MRPL19: variants seen among roughly 807,000 people sequenced by gnomAD.
MRPL19 encodes mitochondrial ribosomal protein L19, also known as large ribosomal subunit protein bL19m.
A neutral mutation model predicts 34.0 loss-of-function variants in MRPL19; 31 were observed. That is an observed-to-expected ratio of 0.91 (90% confidence interval 0.68 to 1.23). The LOEUF is 1.23. MRPL19 is among the 50% of genes most tolerant of loss of function. The probability of loss-of-function intolerance (pLI) is 0.00; values close to 1 mark genes in which losing one functional copy is unlikely to be tolerated. For missense variants in MRPL19, 384 were observed against 367.6 expected (o/e 1.04, Z -0.37); for synonymous variants, 152 against 127.7 (o/e 1.19, Z -1.28).
intron 5 of MRPL19, 27 bp downstream of exon 5, chr2:75,654,944 A>T: frequency 1.0e-5 from 16 of 1,569,372 alleles, no homozygotes; most frequent in Non-Finnish European, 1.4e-5. Flanking sequence ...TGAAACTAGA[A>T]GTTCAAGTAT....
rs896195123 is a variant in MRPL19 at position 75,657,455 on chromosome 2, T to G, written c.*2170T>G. The G allele has an allele frequency of 2.0e-5, 3 of 152,184 alleles. 1 individual carries two copies. The highest frequency in any genetic ancestry group is 4.4e-5 in the Non-Finnish European group (3 of 68,020). 9.4% of individuals were successfully genotyped at this position (152,184 alleles called of 1,614,324 possible). A position where few individuals can be genotyped will look rare whatever the true frequency, so the allele number is the denominator to read the frequency against. Reference sequence around the variant, plus strand: ...TTGATCTTTTTCACTAATGATTATATAGTCATCTAACTACTGTCAACAAGT... The same window carrying G: ...TTGATCTTTTTCACTAATGATTATAGAGTCATCTAACTACTGTCAACAAGT... On this transcript the variant is annotated 3_prime_UTR_variant, in exon 6 of 6. Coordinates refer to ENST00000393909, the MANE Select transcript of MRPL19 (RefSeq NM_014763.4).
rs1025116802 is a variant in MRPL19, at chr2:75,657,946, AATTAC to A, written c.*2664_*2668del. 3.9e-5 allele frequency: 6 copies of A among 152,140 alleles called. No individual in the cohort carries two copies. The highest frequency in any genetic ancestry group is 1.2e-4 in the African/African-American group (5 of 41,444). 9.4% of individuals were successfully genotyped at this position (152,140 alleles called of 1,614,324 possible). On this transcript the variant is annotated 3_prime_UTR_variant, in exon 6 of 6. Transcript: ENST00000393909. ...TTTAAATTTACAAGTCAGAGGCATT[AATTAC>A]ATCACAATGTTGTGAAATTATTACT...
In MRPL19 at chr2:75,655,615, A is replaced by G. The variant is rs115397421; in HGVS notation, c.*330A>G. Reference sequence around the variant, plus strand: ...GAATTTTTTTTTTAATTGTGAAACAATTCATAAGCACAATATGATTTACAG... The same window carrying G: ...GAATTTTTTTTTTAATTGTGAAACAGTTCATAAGCACAATATGATTTACAG... On this transcript the variant is annotated 3_prime_UTR_variant, in exon 6 of 6. Coordinates refer to ENST00000393909, the MANE Select transcript of MRPL19 (RefSeq NM_014763.4). The G allele has an allele frequency of 0.011, 2,105 of 188,806 alleles. 48 individuals carry two copies. The highest frequency in any genetic ancestry group is 0.046 in the African/African-American group (1,961 of 42,628). The allele number at this position is 188,806 out of a possible 1,614,324, so 11.7% of individuals were successfully genotyped here.
In MRPL19 at chr2:75,658,573, C is replaced by T. The variant is rs111334185; in HGVS notation, c.*3288C>T. ...TTTATTTCTCTTGTGATTTCTTCTT[C>T]GATCCCCTGGTTGAGTGTGTTAATT... On this transcript the variant is annotated 3_prime_UTR_variant, in exon 6 of 6. Coordinates refer to ENST00000393909, the MANE Select transcript of MRPL19 (RefSeq NM_014763.4). Among the ~76,000 whole-genome samples the T allele has an allele frequency of 3.4e-3, 523 of 152,194 alleles. 5 individuals are homozygous for T. The highest frequency in any genetic ancestry group is 0.012 in the African/African-American group (490 of 41,552).
intron 2 of MRPL19, 23 bp downstream of exon 2, chr2:75,647,242 G>C (rs753452749): frequency 5.1e-6 from 8 of 1,560,654 alleles, no homozygotes; most frequent in Non-Finnish European, 6.9e-6. Flanking sequence ...CCTGGCGCTA[G>C]GCCGGCAACT....
rs773215183 is a variant in MRPL19, at chr2:75,655,074, A to G, written c.668A>G (p.Lys223Arg). ...QKVPVNELKV[K>R]MKPKPWSKRW... ...TTTAATCTTCCTTAGCTGAAAGTAAAAATGAAGCCTAAGCCCTGGTCTAAA... is the reference window on the plus strand; with the variant it reads ...TTTAATCTTCCTTAGCTGAAAGTAAGAATGAAGCCTAAGCCCTGGTCTAAA... Residue 223 changes from lysine (K) to arginine (R), a missense_variant, in exon 6 of 6, where the codon AAA becomes AGA. Lys to Arg is a conservative substitution (Grantham distance 26, BLOSUM62 2). Transcript: ENST00000393909. 1 of 1,569,772 alleles carries G rather than the reference A, an allele frequency of 6.4e-7. No individual in the cohort carries two copies. The highest frequency in any genetic ancestry group is 8.6e-7 in the Non-Finnish European group (1 of 1,165,752).
intron 2 of MRPL19, among the ~76,000 whole-genome samples, chr2:75,649,346 A>C (rs1342757025): frequency 1.3e-5 from 2 of 152,204 alleles, no homozygotes; most frequent in African/African-American, 4.8e-5. Context: ...CCCACAGCCC[A>C]GGACAGCTTT....
At position 75,647,177 on chromosome 2, in the gene MRPL19, C is replaced by G. The variant is rs1277724375; in HGVS notation, c.179C>G (p.Pro60Arg). The G allele has an allele frequency of 6.3e-7, 1 of 1,580,630 alleles. No homozygotes were observed. The highest frequency in any genetic ancestry group is 8.6e-7 in the Non-Finnish European group (1 of 1,162,886). The change falls in exon 2 of 6, where the codon CCG (proline) becomes CGG (arginine). Residue 60 changes from proline (P) to arginine (R), a missense_variant. By Grantham distance (103) the Pro-to-Arg change is moderately radical. Transcript: ENST00000393909. ...EPGAFQPPPK[P>R]VIVDKHRPVE... Reference sequence around the variant, plus strand: ...GGTGCGTTCCAACCGCCGCCGAAACCGGTCATCGTGGACAAGCACCGCCCC... The same window carrying G: ...GGTGCGTTCCAACCGCCGCCGAAACGGGTCATCGTGGACAAGCACCGCCCC...
At chr2:75,652,496 A>G (rs1558720071) in intron 3 of MRPL19, 27 bp from the exon 4 acceptor site, 2 of 1,602,300 alleles carry the variant, frequency 1.2e-6, no homozygotes, top group Middle Eastern at 1.7e-4. Flanking sequence ...GCTGAAAAAA[A>G]AGTTCACTTC....
At chr2:75,647,026 T>A (rs1160787495) in intron 1 of MRPL19, 76 bp from the exon 2 acceptor site, 3 of 1,484,702 alleles carry the variant, frequency 2.0e-6, no homozygotes, top group Non-Finnish European at 1.8e-6. Context: ...GGACGCCGGG[T>A]TGGGGGAGAT....
At position 75,655,208 on chromosome 2, in the gene MRPL19, G is replaced by A; in HGVS notation, c.802G>A (p.Asp268Asn). Residue 268 changes from aspartate (D) to asparagine (N), a missense_variant, in exon 6 of 6, where the codon GAT becomes AAT. Coordinates refer to ENST00000393909, the MANE Select transcript of MRPL19 (RefSeq NM_014763.4). ...GTGGAATCAGCCATGGCTTGAATTTGATATGATGAGGGAATATGATACTTC... is the reference window on the plus strand; with the variant it reads ...GTGGAATCAGCCATGGCTTGAATTTAATATGATGAGGGAATATGATACTTC... ...QKWNQPWLEF[D>N]MMREYDTSKI... 6.2e-7 allele frequency: 1 copy of A among 1,613,482 alleles called. No homozygotes were observed. Among genetic ancestry groups the A allele is most frequent in the Non-Finnish European group, 8.5e-7 (1 of 1,179,770 alleles).
rs1352215639 is a variant in MRPL19, at chr2:75,658,342, ATT to A, written c.*3059_*3060del. Among the ~76,000 whole-genome samples the A allele has an allele frequency of 6.6e-6, 1 of 152,120 alleles. No individual in the cohort carries two copies. The highest frequency in any genetic ancestry group is 1.5e-5 in the Non-Finnish European group (1 of 68,000). On this transcript the variant is annotated 3_prime_UTR_variant, in exon 6 of 6. Transcript: ENST00000393909. The stretch of plus-strand genomic sequence containing the variant: ...ATGTTGTGGCATGTGTCAGAATTTC[ATT>A]TGTTTTTATGACTAAATAATATTCC...
chr2:75,652,665 T>A lies in MRPL19; in HGVS notation c.475+8T>A. 6.2e-7 allele frequency: 1 copy of A among 1,609,366 alleles called. No homozygotes were observed. Among genetic ancestry groups the A allele is most frequent in the Non-Finnish European group, 8.5e-7 (1 of 1,178,166 alleles). The stretch of plus-strand genomic sequence containing the variant: ...ATGTTATCGAAGGACAAGGTAAGTT[T>A]TATTTCATCATTTTCATTGTCTAGA... On this transcript the variant is annotated splice_region_variant and intron_variant, in intron 4 of 5. Transcript: ENST00000393909.
In MRPL19 at chr2:75,646,790, T is replaced by C. The variant is rs1339537250; in HGVS notation, c.-18T>C. 2 of 1,488,074 alleles carry C rather than the reference T, an allele frequency of 1.3e-6. No homozygotes were observed. The allele number at this position is 1,488,074 out of a possible 1,614,324, so 92.2% of individuals were successfully genotyped here. On this transcript the variant is annotated 5_prime_UTR_variant, in exon 1 of 6. Coordinates refer to ENST00000393909, the MANE Select transcript of MRPL19 (RefSeq NM_014763.4). ...CACTGATTACTGGGAGCTGTAGTCT[T>C]GACGTGAGCTAGCTGGCATGGCGGC...
rs148983934 is a variant in MRPL19, at chr2:75,660,342, A to G, written c.*5057A>G. 38 of 152,168 alleles carry G rather than the reference A, an allele frequency of 2.5e-4. No homozygotes were observed. Among genetic ancestry groups the G allele is most frequent in the African/African-American group, 8.7e-4 (36 of 41,538 alleles). 9.4% of individuals were successfully genotyped at this position (152,168 alleles called of 1,614,324 possible). On this transcript the variant is annotated 3_prime_UTR_variant, in exon 6 of 6. Transcript: ENST00000393909. Reference sequence around the variant, plus strand: ...TTAAAGTCTTTGCATAGTAAGTCCAATGTCTGTGTTTCTTCAGGGATGGTT... The same window carrying G: ...TTAAAGTCTTTGCATAGTAAGTCCAGTGTCTGTGTTTCTTCAGGGATGGTT...
chr2:75,655,165 A>C lies in MRPL19; in HGVS notation c.759A>C (p.Gln253His), dbSNP rs1180637707. 2 of 1,613,274 alleles carry C rather than the reference A, an allele frequency of 1.2e-6. No individual in the cohort carries two copies. Among genetic ancestry groups the C allele is most frequent in the Non-Finnish European group, 1.7e-6 (2 of 1,179,472 alleles). Reference sequence around the variant, plus strand: ...TTGATCTTTGTTTAACTGAACAGCAAATGAAAGAAGCTCAGAAGTGGAATC... The same window carrying C: ...TTGATCTTTGTTTAACTGAACAGCACATGAAAGAAGCTCAGAAGTGGAATC... ...IRFDLCLTEQQMKEAQKWNQP... is the reference protein window; with the variant it reads ...IRFDLCLTEQHMKEAQKWNQP... The change falls in exon 6 of 6, where the codon CAA becomes CAC. Residue 253 changes from glutamine to histidine, a missense_variant. Coordinates refer to ENST00000393909, the MANE Select transcript of MRPL19 (RefSeq NM_014763.4).
chr2:75,651,494 T>C, intron 2 of MRPL19: 1 of 516,384 alleles, frequency 1.9e-6, no homozygotes, highest in Non-Finnish European at 3.9e-6. Flanking sequence ...ACCATCTCAG[T>C]TACTCTTCGT....
intron 4 of MRPL19, among the ~76,000 whole-genome samples, chr2:75,653,502 G>A (rs559868060): frequency 6.6e-6 from 1 of 152,322 alleles, no homozygotes; most frequent in African/African-American, 2.4e-5. Flanking sequence ...GTGAGATACT[G>A]TATTTGAAGT....
intron 1 of MRPL19, 80 bp from the exon 2 acceptor site, chr2:75,647,022 C>A: frequency 6.7e-7 from 1 of 1,483,892 alleles, no homozygotes; most frequent in Non-Finnish European, 9.0e-7. Flanking sequence ...CGTGGGACGC[C>A]GGGTTGGGGG....
Sources: gnomAD v4.1 joint callset for allele counts (sites outside exome capture counted in the v4.1 genomes callset) on GRCh38, gnomAD v4.1.1 for gene constraint, MANE v1.5 for transcripts, NCBI Gene and HGNC (gene_info 2026-07-23, HGNC 2026-07-21) for gene names.